The following DNM3 variants were observed in gnomAD, a reference collection of about 807,000 sequenced individuals.
DNM3 encodes the protein dynamin-3.
In DNM3, 47 loss-of-function variants were observed where a neutral mutation model predicts 101.6. The ratio of observed to expected loss-of-function variants is 0.46; its 90% CI spans 0.37 to 0.59. The LOEUF is 0.59. Among genes scored for constraint, DNM3 ranks in the 20% least tolerant of loss-of-function variants. DNM3 has a pLI of 0.00. For missense variants in DNM3, 849 were observed against 1,085.7 expected, an observed-to-expected ratio of 0.78 and a Z score of 3.06; for synonymous variants, 385 against 387.9, an observed-to-expected ratio of 0.99 and a Z score of 0.09.
chr1:172,050,956 A>G (rs1189163192), intron 10 of DNM3, among the ~76,000 whole-genome samples: 2 of 152,136 alleles, frequency 1.3e-5, no homozygotes, highest in African/African-American at 4.8e-5. Context: ...ATGGGATGAG[A>G]CAGCTTGTTC....
At chr1:171,950,193 G>A (rs561022857) in intron 2 of DNM3, among the ~76,000 whole-genome samples, 98 of 152,154 alleles carry the variant, frequency 6.4e-4, no homozygotes, top group African/African-American at 1.8e-3. Flanking sequence ...ATGATGCAGC[G>A]TGAAAGAAGC....
chr1:172,192,454 C>T (rs1408481542), intron 14 of DNM3, among the ~76,000 whole-genome samples: 1 of 150,410 alleles, frequency 6.6e-6, no homozygotes, highest in South Asian at 2.1e-4. Context: ...TATACATGTG[C>T]CATGCTGGTG....
intron 14 of DNM3, among the ~76,000 whole-genome samples, chr1:172,151,963 C>T (rs1334655088): frequency 6.6e-6 from 1 of 152,114 alleles, no homozygotes; most frequent in African/African-American, 2.4e-5. Flanking sequence ...GCAGCCTCGA[C>T]CTCCTGGGCT....
chr1:171,890,623 T>A (rs1344580842), intron 1 of DNM3, among the ~76,000 whole-genome samples: 1 of 152,220 alleles, frequency 6.6e-6, no homozygotes, highest in Non-Finnish European at 1.5e-5. Flanking sequence ...AAGTTGTTTT[T>A]TTTTGTTGAT....
At chr1:172,253,522 CT>C in intron 14 of DNM3, 50 bp from the exon 15 acceptor site, 3 of 1,237,016 alleles carry the variant, frequency 2.4e-6, no homozygotes, top group African/African-American at 1.5e-5. Flanking sequence ...CTCCTCTCCT[CT>C]CCTCTCCTCT....
At chr1:172,053,148 G>A (rs2050324627) in intron 10 of DNM3, among the ~76,000 whole-genome samples, 1 of 151,908 alleles carries the variant, frequency 6.6e-6, no homozygotes, top group African/African-American at 2.4e-5. Flanking sequence ...GTTGTATTTA[G>A]GTTCCCTGTC....
intron 17 of DNM3, among the ~76,000 whole-genome samples, chr1:172,333,290 C>T (rs1275151668): frequency 6.6e-6 from 1 of 152,022 alleles, no homozygotes; most frequent in Non-Finnish European, 1.5e-5. Context: ...AAGGTGGTGG[C>T]GGGGAGCAGT....
chr1:172,176,139 G>C (rs539023869), intron 14 of DNM3, among the ~76,000 whole-genome samples: 1 of 151,882 alleles, frequency 6.6e-6, no homozygotes, highest in South Asian at 2.1e-4. Context: ...GGATTATCTA[G>C]GTAAACCCAG....
intron 4 of DNM3, among the ~76,000 whole-genome samples, chr1:172,015,130 A>T (rs1289510442): frequency 2.0e-5 from 3 of 152,076 alleles, no homozygotes; most frequent in Non-Finnish European, 2.9e-5. Context: ...ATTGTTTTAC[A>T]TGTCTATTCT....
chr1:172,396,766 C>T lies in DNM3; in HGVS notation c.2522+7957C>T, dbSNP rs182430806. On this transcript the variant is annotated intron_variant, in intron 20 of 20. Transcript: ENST00000627582. ...GGTAACATTATCTAAATTTACTGTT[C>T]GTCTGTATATTTAAATATATAACAT... Among the ~76,000 whole-genome samples the T allele has an allele frequency of 6.6e-5, 10 of 152,068 alleles. No homozygotes were observed. In the East Asian group the frequency reaches 9.7e-4, roughly 15 times the overall value.
intron 12 of DNM3, among the ~76,000 whole-genome samples, chr1:172,084,322 G>A (rs1315283150): frequency 6.6e-6 from 1 of 151,882 alleles, no homozygotes; most frequent in African/African-American, 2.4e-5. Context: ...ATACATGCAC[G>A]TGTGCACACA....
Position 171,875,808 on chromosome 1 carries a change from T to G in DNM3, c.161+33991T>G, listed in dbSNP as rs564557516. On this transcript the variant is annotated intron_variant, in intron 1 of 20. Coordinates refer to ENST00000627582, the MANE Select transcript of DNM3 (RefSeq NM_015569.5). ...CCCAGCAAGTCTAAAAAAAGAGTTG[T>G]CTCTCTTTTTTTTTTTTTTTTGAGA... 2.5e-4 allele frequency among the ~76,000 whole-genome samples: 29 copies of G among 116,672 alleles called. No individual in the cohort carries two copies. In the South Asian group the frequency reaches 6.4e-3, roughly 26 times the overall value. The allele number at this position is 116,672 out of a possible 152,430, so 76.5% of individuals were successfully genotyped here. A position where few individuals can be genotyped will look rare whatever the true frequency, so the allele number is the denominator to read the frequency against.
chr1:172,269,310 G>C (rs1490130652), intron 15 of DNM3, among the ~76,000 whole-genome samples: 3 of 152,140 alleles, frequency 2.0e-5, no homozygotes, highest in African/African-American at 7.2e-5. Flanking sequence ...CTATTTTCCG[G>C]AACAAGTATT....
At chr1:172,157,177 G>C (rs2058371818) in intron 14 of DNM3, among the ~76,000 whole-genome samples, 1 of 152,040 alleles carries the variant, frequency 6.6e-6, no homozygotes, top group African/African-American at 2.4e-5. Flanking sequence ...CATCATCTGG[G>C]GATGATGGGA....
chr1:172,060,293 T>C (rs1208810901), intron 10 of DNM3, among the ~76,000 whole-genome samples: 2 of 117,592 alleles, frequency 1.7e-5, no homozygotes, highest in Non-Finnish European at 3.4e-5. Flanking sequence ...ACAGATTCAA[T>C]GCCATCCCCA....
At chr1:172,244,156 A>G (rs2061855066) in intron 14 of DNM3, among the ~76,000 whole-genome samples, 1 of 151,812 alleles carries the variant, frequency 6.6e-6, no homozygotes, top group African/African-American at 2.4e-5. Context: ...GAGAATGATG[A>G]TTTCCAATTT....
chr1:172,022,018 G>C (rs1227930522), intron 4 of DNM3, among the ~76,000 whole-genome samples: 1 of 152,150 alleles, frequency 6.6e-6, no homozygotes, highest in Non-Finnish European at 1.5e-5. Flanking sequence ...ATATAACTTA[G>C]TTGGAAATAA....
chr1:171,981,801 A>T (rs2044818519), intron 2 of DNM3, among the ~76,000 whole-genome samples: 1 of 152,232 alleles, frequency 6.6e-6, no homozygotes, highest in Non-Finnish European at 1.5e-5. Flanking sequence ...GAAAATGAAA[A>T]CAGAGAAATT....
At chr1:171,943,929 C>T (rs890252903) in intron 2 of DNM3, among the ~76,000 whole-genome samples, 1 of 152,028 alleles carries the variant, frequency 6.6e-6, no homozygotes, top group African/African-American at 2.4e-5. Flanking sequence ...ATCATTTCCC[C>T]TATGAATGTA....
Sources: gnomAD v4.1 joint callset for allele counts (sites outside exome capture counted in the v4.1 genomes callset) on GRCh38, gnomAD v4.1.1 for gene constraint, MANE v1.5 for transcripts, NCBI Gene and HGNC (gene_info 2026-07-23, HGNC 2026-07-21) for gene names.